Variants in RCSD1 observed in about 807,000 individuals in gnomAD.
RCSD1 encodes the protein RCSD domain containing 1.
A neutral mutation model predicts 42.5 loss-of-function variants in RCSD1; 26 were observed. That is an observed-to-expected ratio of 0.61 (90% confidence interval 0.45 to 0.85). The LOEUF is 0.85. RCSD1 is among the 40% of genes least tolerant of loss of function. The probability of loss-of-function intolerance (pLI) is 0.00; values close to 1 mark genes in which losing one functional copy is unlikely to be tolerated. For synonymous variants in RCSD1, 220 were observed against 212.2 expected (o/e 1.04, Z -0.32); for missense variants, 571 against 528.3 (o/e 1.08, Z -0.79).
At chr1:167,695,445 T>C (rs1303855053) in intron 5 of RCSD1, among the ~76,000 whole-genome samples, 3 of 152,182 alleles carry the variant, frequency 2.0e-5, no homozygotes, top group African/African-American at 7.2e-5. Flanking sequence ...AAGTATTCAT[T>C]CCATACTTCT....
chr1:167,654,111 A>G (rs1183816791), intron 1 of RCSD1, among the ~76,000 whole-genome samples: 2 of 152,244 alleles, frequency 1.3e-5, no homozygotes, highest in South Asian at 2.1e-4. Context: ...TTCGTTAAGC[A>G]CTAAGCATGG....
At chr1:167,694,427 G>A (rs555028266) in intron 5 of RCSD1, 125 bp downstream of exon 5, 37 of 901,498 alleles carry the variant, frequency 4.1e-5, no homozygotes, top group Non-Finnish European at 5.3e-5. Context: ...TCAGAGCTGC[G>A]TGTTAACCCA....
rs1319291230 is a variant in RCSD1, at chr1:167,697,531, A to G, written c.907A>G (p.Lys303Glu). The change falls in exon 6 of 7, where the codon AAG becomes GAG. Residue 303 changes from lysine (K) to glutamate (E), a missense_variant. By Grantham distance (56) the Lys-to-Glu change is moderately conservative. Coordinates refer to ENST00000367854, the MANE Select transcript of RCSD1 (RefSeq NM_052862.4). Reference sequence around the variant, plus strand: ...TAGGTGTGGGAGCCCCAGGGAGGAAAAGCCAGCTGGAGAGGAAGCAGAGAT... The same window carrying G: ...TAGGTGTGGGAGCCCCAGGGAGGAAGAGCCAGCTGGAGAGGAAGCAGAGAT... ...ENRCGSPREE[K>E]PAGEEAEMEK... 3 of 1,606,472 alleles carry G rather than the reference A, an allele frequency of 1.9e-6. No individual in the cohort carries two copies. Among genetic ancestry groups the G allele is most frequent in the Non-Finnish European group, 2.5e-6 (3 of 1,176,686 alleles).
chr1:167,654,470 G>T (rs1434626727), intron 1 of RCSD1, among the ~76,000 whole-genome samples: 1 of 152,158 alleles, frequency 6.6e-6, no homozygotes, highest in Non-Finnish European at 1.5e-5. Context: ...GTAAGTTTGT[G>T]CTCTTACACA....
chr1:167,649,112 G>A (rs1658240001), intron 1 of RCSD1, among the ~76,000 whole-genome samples: 1 of 152,174 alleles, frequency 6.6e-6, no homozygotes, highest in African/African-American at 2.4e-5. Context: ...GAGTGGGGAG[G>A]GGCTGGGGGA....
chr1:167,671,180 GT>G, intron 1 of RCSD1, among the ~76,000 whole-genome samples: 1 of 152,308 alleles, frequency 6.6e-6, no homozygotes, highest in Middle Eastern at 3.4e-3. Flanking sequence ...CCACTGAGTA[GT>G]TCATTCAATA....
intron 1 of RCSD1, 68 bp downstream of exon 1, chr1:167,630,497 C>T: frequency 1.4e-6 from 2 of 1,453,312 alleles, no homozygotes; most frequent in Non-Finnish European, 9.2e-7. Context: ...CTTCCCCGGG[C>T]GGCTGCCCCT....
chr1:167,684,930 A>C (rs1191597830), intron 2 of RCSD1, among the ~76,000 whole-genome samples: 1 of 152,192 alleles, frequency 6.6e-6, no homozygotes, highest in African/African-American at 2.4e-5. Context: ...AGGTGGAGAG[A>C]AATCTATCGT....
At chr1:167,630,909 C>A (rs1251392237) in intron 1 of RCSD1, among the ~76,000 whole-genome samples, 1 of 152,148 alleles carries the variant, frequency 6.6e-6, no homozygotes, top group South Asian at 2.1e-4. Context: ...CTTCCCTTTT[C>A]GCTTTCGGAG....
intron 1 of RCSD1, among the ~76,000 whole-genome samples, chr1:167,670,641 C>T (rs1179690161): frequency 6.6e-6 from 1 of 152,170 alleles, no homozygotes; most frequent in African/African-American, 2.4e-5. Flanking sequence ...CTCCACAAAT[C>T]CCAAGCAGGT....
At chr1:167,663,294 C>A (rs1468129250) in intron 1 of RCSD1, among the ~76,000 whole-genome samples, 5 of 152,260 alleles carry the variant, frequency 3.3e-5, no homozygotes, top group Non-Finnish European at 7.3e-5. Context: ...CAGGCCTAGA[C>A]CTGCAGGGGC....
intron 1 of RCSD1, among the ~76,000 whole-genome samples, chr1:167,658,099 A>G (rs1359040175): frequency 6.6e-6 from 1 of 151,848 alleles, no homozygotes; most frequent in African/African-American, 2.4e-5. Flanking sequence ...GGCTACACAC[A>G]CTTTTACATA....
chr1:167,669,534 T>C (rs185561967), intron 1 of RCSD1, among the ~76,000 whole-genome samples: 3 of 152,362 alleles, frequency 2.0e-5, no homozygotes, highest in Admixed American at 2.0e-4. Flanking sequence ...ATCTGCTCTT[T>C]TCACTTTACA....
At chr1:167,676,945 C>A (rs527758963) in intron 1 of RCSD1, among the ~76,000 whole-genome samples, 14 of 152,338 alleles carry the variant, frequency 9.2e-5, no homozygotes, top group African/African-American at 3.1e-4. Flanking sequence ...TCAATGCCTG[C>A]GTGTGGGTCC....
At chr1:167,637,122 G>A (rs781513212) in intron 1 of RCSD1, among the ~76,000 whole-genome samples, 10 of 152,272 alleles carry the variant, frequency 6.6e-5, no homozygotes, top group Non-Finnish European at 1.2e-4. Flanking sequence ...TAATTTCTGA[G>A]TTGAATCTTG....
At chr1:167,644,497 A>G (rs1028563539) in intron 1 of RCSD1, among the ~76,000 whole-genome samples, 2 of 53,142 alleles carry the variant, frequency 3.8e-5, no homozygotes, top group Non-Finnish European at 8.9e-5. Flanking sequence ...AAATACATAC[A>G]TACATACATA....
chr1:167,682,818 C>T (rs1659114528), intron 1 of RCSD1, among the ~76,000 whole-genome samples: 1 of 152,098 alleles, frequency 6.6e-6, no homozygotes, highest in African/African-American at 2.4e-5. Context: ...TGCCCAAATC[C>T]TCCCATTTTC....
intron 5 of RCSD1, among the ~76,000 whole-genome samples, chr1:167,695,791 G>A (rs1159138307): frequency 1.3e-5 from 2 of 151,990 alleles, no homozygotes; most frequent in African/African-American, 4.8e-5. Context: ...AAAGTGCGAG[G>A]ATTACAGGCG....
intron 1 of RCSD1, among the ~76,000 whole-genome samples, chr1:167,646,740 C>G (rs1031862741): frequency 1.3e-5 from 2 of 152,166 alleles, no homozygotes; most frequent in Non-Finnish European, 2.9e-5. Context: ...TTCCAGAGCT[C>G]TTTCTCAAGC....
Sources: gnomAD v4.1 joint callset for allele counts (sites outside exome capture counted in the v4.1 genomes callset) on GRCh38, gnomAD v4.1.1 for gene constraint, MANE v1.5 for transcripts, NCBI Gene and HGNC (gene_info 2026-07-23, HGNC 2026-07-21) for gene names.